HR: variants seen among roughly 807,000 people sequenced by gnomAD.
HR encodes the protein lysine-specific demethylase hairless.
HR carries 83 observed loss-of-function variants against 128.6 expected under a neutral mutation model. The observed-to-expected ratio is 0.65, with a 90% CI of 0.54 to 0.77. The LOEUF (loss-of-function observed/expected upper bound fraction) is 0.77, where lower values mean the gene tolerates loss of function less well. Ranked by LOEUF, HR falls within the 30% of genes least tolerant of loss-of-function variation. HR has a pLI of 0.00. For missense variants in HR, 1,490 were observed against 1,574.6 expected, an observed-to-expected ratio of 0.95 and a Z score of 0.91; for synonymous variants, 681 against 658.2, an observed-to-expected ratio of 1.03 and a Z score of -0.53.
At chr8:22,118,847 G>T in intron 16 of HR, 103 bp downstream of exon 16, 1 of 958,586 alleles carries the variant, frequency 1.0e-6, no homozygotes, top group Non-Finnish European at 1.6e-6. Flanking sequence ...ACCTGAGGGC[G>T]TGGGGCAGGG....
chr8:22,122,331 G>A (rs189852617), intron 8 of HR, among the ~76,000 whole-genome samples, 162 bp downstream of exon 8: 5 of 152,200 alleles, frequency 3.3e-5, no homozygotes, highest in African/African-American at 7.2e-5. Flanking sequence ...AGGGGCCAGC[G>A]CTGGAGATCA....
At position 22,116,619 on chromosome 8, in the gene HR, A is replaced by G. The variant is rs1826594584; in HGVS notation, c.3379-191T>C. ...ACCGGGACTCAGAACTGCTGGAGAG[A>G]CCCTAAAGTCTCCCTGCGAGCCCCC... On this transcript the variant is annotated intron_variant, in intron 17 of 18. Transcript: ENST00000381418. This position sits in a 1 kb window ranked among gnomAD's most constrained non-coding sequence, Gnocchi z 4.2. Among the ~76,000 whole-genome samples, 1 of 151,232 alleles carries G rather than the reference A, an allele frequency of 6.6e-6. No individual in the cohort carries two copies. Among genetic ancestry groups the G allele is most frequent in the African/African-American group, 2.4e-5 (1 of 40,948 alleles).
Position 22,115,752 on chromosome 8 carries a change from G to T in HR, c.3518C>A (p.Ala1173Asp). The change falls in exon 19 of 19, where the codon GCT becomes GAT. Residue 1173 changes from alanine to aspartate, a missense_variant. By Grantham distance (126) the Ala-to-Asp change is moderately radical. Around this residue, in one of 3 missense-constraint regions of HR, gnomAD observed 423 missense variants for 495.9 expected, o/e 0.85. Coordinates refer to ENST00000381418, the MANE Select transcript of HR (RefSeq NM_005144.5). Reference sequence around the variant, plus strand: ...GGCCACCTTCACTGCTTGGAACACAGCCCAGTCCATCTAGGAAAAAGAGAG... The same window carrying T: ...GGCCACCTTCACTGCTTGGAACACATCCCAGTCCATCTAGGAAAAAGAGAG... Reference protein sequence around the residue: ...CHLLYAQMDWAVFQAVKVAVG... With the variant: ...CHLLYAQMDWDVFQAVKVAVG... 6.2e-7 allele frequency: 1 copy of T among 1,613,898 alleles called. No individual in the cohort carries two copies. The highest frequency in any genetic ancestry group is 8.5e-7 in the Non-Finnish European group (1 of 1,179,962).
chr8:22,121,371 G>T, intron 9 of HR, 143 bp from the exon 10 acceptor site: 1 of 1,144,806 alleles, frequency 8.7e-7, no homozygotes, highest in Non-Finnish European at 1.2e-6. Flanking sequence ...GCTCTGCTCT[G>T]GGTCTCCCCG....
rs771181374 is a variant in HR at position 22,119,907 on chromosome 8, T to C, written c.2847-17A>G. 42 of 1,612,716 alleles carry C rather than the reference T, an allele frequency of 2.6e-5. No individual in the cohort carries two copies. Among genetic ancestry groups the C allele is most frequent in the Non-Finnish European group, 3.6e-5 (42 of 1,179,832 alleles). Reference sequence around the variant, plus strand: ...TTCTCCACCCTGTCAGGGTAGGGGGTCATGCCCAGCAGGCCCAACCTGGGC... The same window carrying C: ...TTCTCCACCCTGTCAGGGTAGGGGGCCATGCCCAGCAGGCCCAACCTGGGC... On this transcript the variant is annotated splice_polypyrimidine_tract_variant and intron_variant, in intron 13 of 18. Transcript: ENST00000381418.
At chr8:22,128,166 G>A (rs1826950113) in intron 2 of HR, 1 of 513,730 alleles carries the variant, frequency 1.9e-6, no homozygotes, top group African/African-American at 1.9e-5. Context: ...CCCTGGGAGT[G>A]GGAGTCATCT....
At chr8:22,119,664 A>G in intron 14 of HR, 96 bp downstream of exon 14, 2 of 1,411,596 alleles carry the variant, frequency 1.4e-6, no homozygotes, top group Non-Finnish European at 1.9e-6. Context: ...GAAGCGCTTC[A>G]GGCCCCAGGG....
At position 22,116,829 on chromosome 8, in the gene HR, C is replaced by T. The variant is rs1826600701; in HGVS notation, c.3378+46G>A. 3 of 1,548,812 alleles carry T rather than the reference C, an allele frequency of 1.9e-6. No individual in the cohort carries two copies. Among genetic ancestry groups the T allele is most frequent in the Non-Finnish European group, 2.6e-6 (3 of 1,151,044 alleles). ...GCCTGCGGCCTTGATTGGGTCGCTT[C>T]TGCCATCCTGATCTCCCCGCAGAGC... On this transcript the variant is annotated intron_variant, in intron 17 of 18. Coordinates refer to ENST00000381418, the MANE Select transcript of HR (RefSeq NM_005144.5). This position sits in a 1 kb window ranked among gnomAD's most constrained non-coding sequence, Gnocchi z 4.2.
In HR at chr8:22,127,592, G is replaced by C. The variant is rs765356076; in HGVS notation, c.850C>G (p.Pro284Ala). Residue 284 changes from proline (P) to alanine (A), a missense_variant, in exon 3 of 19, where the codon CCA becomes GCA. Physicochemically the swap from Pro to Ala is conservative, Grantham distance 27. Around this residue, in one of 3 missense-constraint regions of HR, gnomAD observed 1,060 missense variants for 1,060.9 expected, o/e 1.00. Coordinates refer to ENST00000381418, the MANE Select transcript of HR (RefSeq NM_005144.5). ...VPWTSWPACP[P>A]GLVHTLGNVW... is the part of the protein sequence containing the mutation. ...TTGCCAAGAGTATGAACAAGGCCTG[G>C]GGGACAAGCGGGCCAGGAGGTCCAG... 1.2e-6 allele frequency: 2 copies of C among 1,611,938 alleles called. No homozygotes were observed. Among genetic ancestry groups the C allele is most frequent in the Non-Finnish European group, 1.7e-6 (2 of 1,179,800 alleles).
intron 3 of HR, 67 bp downstream of exon 3, chr8:22,126,970 C>T: frequency 1.3e-6 from 2 of 1,495,986 alleles, no homozygotes; most frequent in Non-Finnish European, 1.8e-6. Context: ...GACCCCGCCC[C>T]ATGCGAAGCC....
At position 22,122,887 on chromosome 8, in the gene HR, G is replaced by A. The variant is rs913796463; in HGVS notation, c.1916-8C>T. Reference sequence around the variant, plus strand: ...CGGACTGCTCCTGAAAGCCTGTGGGGCAGGAAGGGAAAAGCTGCAGGTCCA... The same window carrying A: ...CGGACTGCTCCTGAAAGCCTGTGGGACAGGAAGGGAAAAGCTGCAGGTCCA... On this transcript the variant is annotated splice_polypyrimidine_tract_variant and splice_region_variant and intron_variant, in intron 6 of 18. Coordinates refer to ENST00000381418, the MANE Select transcript of HR (RefSeq NM_005144.5). 1.3e-6 allele frequency: 2 copies of A among 1,551,280 alleles called. No individual in the cohort carries two copies. The highest frequency in any genetic ancestry group is 1.7e-6 in the Non-Finnish European group (2 of 1,147,114).
At chr8:22,120,552 G>A (rs1292163886) in intron 11 of HR, 45 bp from the exon 12 acceptor site, 7 of 1,610,092 alleles carry the variant, frequency 4.3e-6, no homozygotes, top group Non-Finnish European at 5.9e-6. Flanking sequence ...TGGCCAGGGT[G>A]CCCGCCATGG....
chr8:22,123,616 A>AGGGGGGG, intron 6 of HR, 33 bp downstream of exon 6: 49 of 562,310 alleles, frequency 8.7e-5, no homozygotes, highest in Non-Finnish European at 1.2e-4. Context: ...TGAGGGCTCC[A>AGGGGGGG]TCCCGCCCTC....
intron 11 of HR, 60 bp from the exon 12 acceptor site, chr8:22,120,567 G>A: frequency 6.2e-7 from 1 of 1,606,274 alleles, no homozygotes; most frequent in African/African-American, 1.3e-5. Context: ...CCATGGCCAG[G>A]CAAGGGCGTG....
intron 3 of HR, among the ~76,000 whole-genome samples, chr8:22,126,491 C>A (rs7832537): frequency 6.6e-6 from 1 of 152,070 alleles, no homozygotes; most frequent in Non-Finnish European, 1.5e-5. Context: ...CCATTCCTGG[C>A]GCAGGACAAG....
chr8:22,124,794 A>T (rs1378426761), intron 5 of HR, among the ~76,000 whole-genome samples: 1 of 152,102 alleles, frequency 6.6e-6, no homozygotes, highest in Non-Finnish European at 1.5e-5. Context: ...GAAGGGAAGG[A>T]TGGATGGCGT....
rs1826775079 is a variant in HR at position 22,122,347 on chromosome 8, G to A, written c.2121+146C>T. ...GGGGCCAGCGCTGGAGATCATGCAT[G>A]GCTCCTGATCCCCAAGGTGGGAATT... On this transcript the variant is annotated intron_variant, in intron 8 of 18. Coordinates refer to ENST00000381418, the MANE Select transcript of HR (RefSeq NM_005144.5). 1.1e-5 allele frequency: 7 copies of A among 634,490 alleles called. No homozygotes were observed. The Middle Eastern group carries it at 7.7e-4, about 69-fold the overall frequency. 39.3% of individuals were successfully genotyped at this position (634,490 alleles called of 1,614,324 possible). A position where few individuals can be genotyped will look rare whatever the true frequency, so the allele number is the denominator to read the frequency against.
Position 22,127,454 on chromosome 8 carries a change from A to C in HR, c.988T>G (p.Tyr330Asp). ...PVTQRGCCSSYPPTKGGGLGP... is the reference protein window; with the variant it reads ...PVTQRGCCSSDPPTKGGGLGP... ...AGACCCCCACCTTTAGTGGGTGGGT[A>C]GGATGAACAGCAGCCCCGCTGGGTG... is the stretch of plus-strand genomic sequence containing the variant. Residue 330 changes from tyrosine to aspartate, a missense_variant, in exon 3 of 19, where the codon TAC becomes GAC. Coordinates refer to ENST00000381418, the MANE Select transcript of HR (RefSeq NM_005144.5). 6.2e-7 allele frequency: 1 copy of C among 1,611,096 alleles called. No homozygotes were observed. The highest frequency in any genetic ancestry group is 8.5e-7 in the Non-Finnish European group (1 of 1,178,158).
chr8:22,127,837 G>C lies in HR; in HGVS notation c.613-8C>G. 6.3e-7 allele frequency: 1 copy of C among 1,598,488 alleles called. No homozygotes were observed. The highest frequency in any genetic ancestry group is 8.5e-7 in the Non-Finnish European group (1 of 1,179,930). ...ATCCTTGTAGTAAAAGCCCTAAAGAGGGGAGAAAGTGTTACGCTTCAGCTG... is the reference window on the plus strand; with the variant it reads ...ATCCTTGTAGTAAAAGCCCTAAAGACGGGAGAAAGTGTTACGCTTCAGCTG... On this transcript the variant is annotated splice_region_variant and splice_polypyrimidine_tract_variant and intron_variant, in intron 2 of 18. Transcript: ENST00000381418.
Sources: allele counts gnomAD v4.1 joint callset (sites outside exome capture counted in the v4.1 genomes callset), GRCh38; gene constraint gnomAD v4.1.1; regional missense constraint gnomAD v4.1.1; non-coding constraint Gnocchi (gnomAD v3.1); transcripts MANE v1.5; gene names NCBI Gene and HGNC (gene_info 2026-07-23, HGNC 2026-07-21).